PRSS23: variants seen among roughly 807,000 people sequenced by gnomAD.
PRSS23 encodes protease, serine 23.
Under a neutral mutation model 34.7 loss-of-function variants are expected in PRSS23, and 25 were observed. The observed-to-expected ratio is 0.72, with a 90% CI of 0.53 to 1.01. The LOEUF (loss-of-function observed/expected upper bound fraction) is 1.01, where lower values mean the gene tolerates loss of function less well. Among genes scored for constraint, PRSS23 ranks in the 50% least tolerant of loss-of-function variants. The probability of loss-of-function intolerance (pLI) is 0.00; values close to 1 mark genes in which losing one functional copy is unlikely to be tolerated. For missense variants in PRSS23, 445 were observed against 475.6 expected (o/e 0.94, Z 0.60); for synonymous variants, 176 against 186.6 (o/e 0.94, Z 0.46).
chr11:86,845,497 G>A (rs931456866), intron 2 of PRSS23, among the ~76,000 whole-genome samples: 3 of 152,102 alleles, frequency 2.0e-5, no homozygotes, highest in Non-Finnish European at 4.4e-5. Flanking sequence ...CACTTCTGTT[G>A]GATCAACAAG....
intron 1 of PRSS23, among the ~76,000 whole-genome samples, chr11:86,817,073 C>T (rs1003720755): frequency 6.6e-6 from 1 of 152,114 alleles, no homozygotes; most frequent in Non-Finnish European, 1.5e-5. Context: ...TATTTCCATT[C>T]TATATTTTTT....
chr11:86,906,620 A>C (rs1373371940), intron 2 of PRSS23, among the ~76,000 whole-genome samples: 10 of 152,180 alleles, frequency 6.6e-5, no homozygotes, highest in Admixed American at 5.9e-4. Context: ...CATACCCTGC[A>C]TTTCCCAGAG....
intron 2 of PRSS23, among the ~76,000 whole-genome samples, chr11:86,939,424 A>ATTTTTTTTTTTT (rs1346009599): frequency 7.1e-5 from 6 of 84,000 alleles, no homozygotes; most frequent in Non-Finnish European, 1.1e-4. Flanking sequence ...ATATATATAT[A>ATTTTTTTTTTTT]TATTTTTTAA....
intron 1 of PRSS23, among the ~76,000 whole-genome samples, chr11:86,818,054 A>T (rs1455698425): frequency 2.6e-5 from 4 of 152,174 alleles, no homozygotes; most frequent in Non-Finnish European, 5.9e-5. Flanking sequence ...TCAGAACAAG[A>T]GTTGTTTGAT....
intron 2 of PRSS23, among the ~76,000 whole-genome samples, chr11:86,842,185 A>G (rs1948453556): frequency 6.6e-6 from 1 of 152,246 alleles, no homozygotes; most frequent in Non-Finnish European, 1.5e-5. Context: ...CAAAAACTAC[A>G]TGATTATCTC....
exon 2 of PRSS23, chr11:86,823,432 T>C (rs961712756): frequency 1.4e-6 from 1 of 702,378 alleles, no homozygotes; most frequent in East Asian, 2.7e-5. Context: ...CTAGTCCTCA[T>C]GCCCCCACAA....
At chr11:86,864,767 C>T (rs955093876) in intron 2 of PRSS23, among the ~76,000 whole-genome samples, 2 of 152,204 alleles carry the variant, frequency 1.3e-5, no homozygotes, top group African/African-American at 4.8e-5. Flanking sequence ...TCTGGAGGCT[C>T]TAGGAGAGCA....
chr11:86,878,227 C>T (rs74339991), intron 2 of PRSS23, among the ~76,000 whole-genome samples: 3 of 59,472 alleles, frequency 5.0e-5, no homozygotes, highest in Non-Finnish European at 9.2e-5. Flanking sequence ...TCCCCCTACC[C>T]CTCCCCCTCC....
chr11:86,886,387 A>C (rs541090579), intron 2 of PRSS23, among the ~76,000 whole-genome samples: 3 of 152,156 alleles, frequency 2.0e-5, no homozygotes, highest in Non-Finnish European at 4.4e-5. Flanking sequence ...CCCTCCCTGC[A>C]CTGCAACACA....
chr11:86,856,037 T>C (rs1019818033), intron 2 of PRSS23, among the ~76,000 whole-genome samples: 1 of 152,188 alleles, frequency 6.6e-6, no homozygotes. Flanking sequence ...AATGTGAAAC[T>C]TTAGGGATAC....
intron 2 of PRSS23, among the ~76,000 whole-genome samples, chr11:86,890,971 T>C: frequency 6.6e-6 from 1 of 152,226 alleles, no homozygotes; most frequent in South Asian, 2.1e-4. Flanking sequence ...ATTTATAGTT[T>C]GCCATCTTCA....
intron 2 of PRSS23, among the ~76,000 whole-genome samples, chr11:86,889,981 A>G (rs1354762326): frequency 1.3e-5 from 2 of 152,178 alleles, no homozygotes; most frequent in African/African-American, 4.8e-5. Flanking sequence ...AAAGTTCCCC[A>G]GTTGAGGCCA....
intron 2 of PRSS23, among the ~76,000 whole-genome samples, chr11:86,886,637 TC>T (rs1407402092): frequency 1.3e-5 from 2 of 152,130 alleles, no homozygotes; most frequent in African/African-American, 4.8e-5. Context: ...AATGTAATAG[TC>T]CCCATAAAGT....
At chr11:86,912,142 G>A (rs1948982425) in intron 2 of PRSS23, 1 of 152,026 alleles carries the variant, frequency 6.6e-6, no homozygotes, top group African/African-American at 2.4e-5. Flanking sequence ...GAAAGAGGGT[G>A]GTGATAAGCA....
At chr11:86,837,709 G>A (rs1258739110) in intron 2 of PRSS23, 1 of 152,240 alleles carries the variant, frequency 6.6e-6, no homozygotes, top group Non-Finnish European at 1.5e-5. Context: ...AGAGGCTACA[G>A]TGAGCCAAGA....
At chr11:86,902,386 T>A (rs994784194) in intron 2 of PRSS23, among the ~76,000 whole-genome samples, 1 of 152,190 alleles carries the variant, frequency 6.6e-6, no homozygotes, top group Non-Finnish European at 1.5e-5. Flanking sequence ...TTTTCTTTCT[T>A]AAGACCTGTT....
At chr11:86,872,466 G>A (rs2508429) in intron 2 of PRSS23, among the ~76,000 whole-genome samples, 86,923 of 151,928 alleles carry the variant, frequency 0.57, 25,850 homozygotes, top group African/African-American at 0.74. Flanking sequence ...AAACATATCC[G>A]TACTCTGCCC....
rs902826945 is a variant in PRSS23, at chr11:86,837,865, C to T, written c.206+14272C>T. The stretch of plus-strand genomic sequence containing the variant: ...TCTGGTCTGCAGCTCCTAGTGAGAT[C>T]GACACAGAAGATGGGTGATTTCTGC... On this transcript the variant is annotated intron_variant, in intron 2 of 2. Transcript: ENST00000533902. Among the ~76,000 whole-genome samples the T allele has an allele frequency of 3.9e-5, 6 of 152,144 alleles. No individual in the cohort carries two copies. In the East Asian group the frequency reaches 1.2e-3, roughly 29 times the overall value.
intron 2 of PRSS23, chr11:86,951,137 T>C (rs1949286737): frequency 1.2e-6 from 2 of 1,613,670 alleles, no homozygotes; most frequent in Non-Finnish European, 1.7e-6. Flanking sequence ...GGAGGCTGAC[T>C]AGCCTTATAC....
Sources: gnomAD v4.1 joint callset for allele counts (sites outside exome capture counted in the v4.1 genomes callset) on GRCh38, gnomAD v4.1.1 for gene constraint, MANE v1.5 for transcripts, NCBI Gene and HGNC (gene_info 2026-07-23, HGNC 2026-07-21) for gene names.